Variants in PRKCB observed in about 807,000 individuals in gnomAD.
PRKCB encodes protein kinase C beta, also known as protein kinase C beta type.
A neutral mutation model predicts 81.5 loss-of-function variants in PRKCB; 13 were observed. The ratio of observed to expected loss-of-function variants is 0.16; its 90% confidence interval spans 0.10 to 0.25. PRKCB has a LOEUF of 0.25. Among genes scored for constraint, PRKCB ranks in the 10% least tolerant of loss-of-function variants. The pLI is 1.00. For synonymous variants in PRKCB, 335 were observed against 321.4 expected, an observed-to-expected ratio of 1.04 and a Z score of -0.45; for missense variants, 509 against 875.7, an observed-to-expected ratio of 0.58 and a Z score of 5.29.
At chr16:24,056,807 C>A (rs116315156) in intron 5 of PRKCB, among the ~76,000 whole-genome samples, 27 of 152,168 alleles carry the variant, frequency 1.8e-4, no homozygotes, top group Non-Finnish European at 2.9e-4. Flanking sequence ...TCCTGGACAG[C>A]CTACAGAACC....
rs553938302 is a variant in PRKCB, at chr16:23,930,241, G to A, written c.206-58267G>A. Among the ~76,000 whole-genome samples the A allele has an allele frequency of 6.1e-4, 93 of 152,168 alleles. 2 individuals carry two copies. Among genetic ancestry groups the A allele is most frequent in the Non-Finnish European group, 8.2e-4 (56 of 67,978 alleles). On this transcript the variant is annotated intron_variant, in intron 2 of 16. Coordinates refer to ENST00000643927, the MANE Select transcript of PRKCB (RefSeq NM_002738.7). ...TTTGTATGGATTGTATGGATGGGCA[G>A]GTGCACAAGGTGAGTTATTTTTTTC...
chr16:24,163,588 A>G (rs548071985), intron 10 of PRKCB, among the ~76,000 whole-genome samples: 1 of 152,354 alleles, frequency 6.6e-6, no homozygotes, highest in Non-Finnish European at 1.5e-5. Flanking sequence ...TGGAGGGACA[A>G]GGCTTAGAAA....
Position 23,977,460 on chromosome 16 carries a change from C to T in PRKCB, c.206-11048C>T, listed in dbSNP as rs147534799. Among the ~76,000 whole-genome samples, 968 of 152,186 alleles carry T rather than the reference C, an allele frequency of 6.4e-3. 16 individuals are homozygous for T. The highest frequency in any genetic ancestry group is 0.022 in the African/African-American group (931 of 41,508). ...TGAGCACTTTTCATTTTAAAAGCTC[C>T]CTGGTGACTCCTGGGGAGCCAGGAC... On this transcript the variant is annotated intron_variant, in intron 2 of 16. Transcript: ENST00000643927.
chr16:23,993,633 A>G (rs1964918581), intron 3 of PRKCB, among the ~76,000 whole-genome samples: 1 of 152,188 alleles, frequency 6.6e-6, no homozygotes, highest in African/African-American at 2.4e-5. Flanking sequence ...CTATAGACCA[A>G]ACCTTACTAT....
intron 2 of PRKCB, among the ~76,000 whole-genome samples, chr16:23,916,855 G>A (rs1170033968): frequency 1.3e-5 from 2 of 151,998 alleles, no homozygotes; most frequent in Non-Finnish European, 2.9e-5. Flanking sequence ...TGCCTCCTGG[G>A]CTCAAGCAAT....
At chr16:23,930,265 T>C (rs1963952242) in intron 2 of PRKCB, among the ~76,000 whole-genome samples, 1 of 152,022 alleles carries the variant, frequency 6.6e-6, no homozygotes. Flanking sequence ...GTTATTTTTT[T>C]CCCTACCCAG....
intron 2 of PRKCB, among the ~76,000 whole-genome samples, chr16:23,870,316 A>T (rs1199856293): frequency 6.6e-6 from 1 of 152,216 alleles, no homozygotes; most frequent in Non-Finnish European, 1.5e-5. Context: ...TGATATGTTC[A>T]TTACAATGGG....
intron 15 of PRKCB, among the ~76,000 whole-genome samples, chr16:24,186,738 A>G (rs1042992056): frequency 2.0e-5 from 3 of 152,228 alleles, no homozygotes; most frequent in Admixed American, 6.5e-5. Flanking sequence ...CCCAGTTTGG[A>G]ATAGCTGGGC....
At chr16:23,873,169 AAC>A (rs1298241902) in intron 2 of PRKCB, among the ~76,000 whole-genome samples, 12 of 108,420 alleles carry the variant, frequency 1.1e-4, no homozygotes, top group East Asian at 2.5e-4. Flanking sequence ...CTCTACTAAA[AAC>A]ACACACACAC....
chr16:24,162,177 G>A (rs1468882634), intron 10 of PRKCB, among the ~76,000 whole-genome samples: 1 of 152,126 alleles, frequency 6.6e-6, no homozygotes. Flanking sequence ...GAGAGGACAG[G>A]GATGGGGTGA....
chr16:24,053,717 A>G (rs1384352192), intron 5 of PRKCB, among the ~76,000 whole-genome samples: 2 of 152,180 alleles, frequency 1.3e-5, no homozygotes, highest in Non-Finnish European at 2.9e-5. Context: ...TCCCTGGCAG[A>G]AGAGCATTCC....
At chr16:24,109,290 C>T (rs1596551726) in intron 7 of PRKCB, among the ~76,000 whole-genome samples, 1 of 68,626 alleles carries the variant, frequency 1.5e-5, no homozygotes, top group Non-Finnish European at 2.8e-5. Context: ...GGGGGCTGAC[C>T]CCCCCACCTC....
chr16:24,025,102 A>G (rs1312054054), intron 3 of PRKCB, among the ~76,000 whole-genome samples: 1 of 152,140 alleles, frequency 6.6e-6, no homozygotes, highest in African/African-American at 2.4e-5. Flanking sequence ...TAAGAAGTCA[A>G]TGTTTCCCTG....
intron 2 of PRKCB, among the ~76,000 whole-genome samples, chr16:23,986,212 G>A (rs1432949589): frequency 1.3e-5 from 2 of 152,258 alleles, no homozygotes; most frequent in South Asian, 2.1e-4. Flanking sequence ...TTCCCTTTTA[G>A]TGGTTTAAAA....
Position 23,836,363 on chromosome 16 carries a change from G to C in PRKCB, c.173+15G>C. On this transcript the variant is annotated intron_variant, in intron 1 of 16. Transcript: ENST00000643927. ...GACTTCATCTGGTGAGCGCGCGCGCGCAGGGCACCTTCCCGGGCCCCCGAG... is the reference window on the plus strand; with the variant it reads ...GACTTCATCTGGTGAGCGCGCGCGCCCAGGGCACCTTCCCGGGCCCCCGAG... 1 of 1,593,422 alleles carries C rather than the reference G, an allele frequency of 6.3e-7. No individual in the cohort carries two copies. Among genetic ancestry groups the C allele is most frequent in the Non-Finnish European group, 8.5e-7 (1 of 1,171,304 alleles).
intron 2 of PRKCB, among the ~76,000 whole-genome samples, chr16:23,901,817 T>C (rs1195869927): frequency 1.3e-5 from 2 of 152,138 alleles, no homozygotes; most frequent in African/African-American, 2.4e-5. Context: ...TTCCCCAACA[T>C]TGGAGGCCAT....
At chr16:24,191,757 T>A (rs1257263504) in intron 16 of PRKCB, among the ~76,000 whole-genome samples, 11 of 152,242 alleles carry the variant, frequency 7.2e-5, no homozygotes, top group Non-Finnish European at 1.3e-4. Flanking sequence ...AAGCAGAGAC[T>A]GAAGTCCTCT....
chr16:23,918,122 AG>A (rs771751981), intron 2 of PRKCB, among the ~76,000 whole-genome samples: 37 of 152,142 alleles, frequency 2.4e-4, no homozygotes, highest in Admixed American at 1.4e-3. Context: ...TCTAAACAAG[AG>A]GGGCAGTTTG....
At chr16:24,017,823 G>A (rs57547778) in intron 3 of PRKCB, among the ~76,000 whole-genome samples, 1,624 of 151,662 alleles carry the variant, frequency 0.011, 30 homozygotes, top group African/African-American at 0.037. Flanking sequence ...TTGAACTCCC[G>A]GCCTCAAGTG....
Sources: gnomAD v4.1 joint callset for allele counts (sites outside exome capture counted in the v4.1 genomes callset) on GRCh38, gnomAD v4.1.1 for gene constraint, MANE v1.5 for transcripts, NCBI Gene and HGNC (gene_info 2026-07-23, HGNC 2026-07-21) for gene names.